The following TTC34 variants were observed in gnomAD, a reference collection of about 807,000 sequenced individuals.
TTC34 encodes the protein tetratricopeptide repeat domain 34, also known as tetratricopeptide repeat protein 34.
TTC34 carries 44 observed loss-of-function variants against 40.7 expected under a neutral mutation model. The observed-to-expected ratio is 1.08, with a 90% CI of 0.85 to 1.39. The LOEUF (loss-of-function observed/expected upper bound fraction) is 1.39. Ranked by LOEUF, TTC34 falls within the 40% of genes most tolerant of loss-of-function variation. The pLI is 0.00. For synonymous variants in TTC34, 422 were observed against 398.6 expected (o/e 1.06, Z -0.70); for missense variants, 884 against 838.0 (o/e 1.05, Z -0.68).
exon 9 of TTC34, chr1:2,641,797 G>A: frequency 6.5e-7 from 1 of 1,535,114 alleles, no homozygotes; most frequent in Non-Finnish European, 8.7e-7. Context: ...GCAGGTGACA[G>A]GCACTGCTGC....
intron 6 of TTC34, among the ~76,000 whole-genome samples, chr1:2,685,224 G>A (rs1570810213): frequency 3.5e-5 from 4 of 113,328 alleles, no homozygotes; most frequent in African/African-American, 1.4e-4. Flanking sequence ...TGACATCGTG[G>A]AGCAGCACCC....
chr1:2,645,547 A>G lies in TTC34; in HGVS notation c.2243T>C (p.Ile748Thr). ...GGGGCCGAGCTTCAGAGCAGAGACG[A>G]TGTCGTCCACGGCTTCCTGCAAGGA... is the stretch of plus-strand genomic sequence containing the variant. The change falls in exon 7 of 9, where the codon ATC becomes ACC. Residue 748 changes from isoleucine to threonine, a missense_variant. Ile to Thr is a moderately conservative substitution (Grantham distance 89). Coordinates refer to ENST00000401095, the Ensembl canonical transcript of TTC34. This position sits in a 1 kb window ranked among gnomAD's most constrained non-coding sequence, Gnocchi z 4.7. 1.1e-6 allele frequency: 1 copy of G among 872,648 alleles called. No individual in the cohort carries two copies. Among genetic ancestry groups the G allele is most frequent in the South Asian group, 1.9e-5 (1 of 53,060 alleles). 54.1% of individuals were successfully genotyped at this position (872,648 alleles called of 1,614,324 possible).
chr1:2,788,435 T>G (rs955883970), intron 3 of TTC34, among the ~76,000 whole-genome samples: 1 of 151,482 alleles, frequency 6.6e-6, no homozygotes, highest in Non-Finnish European at 1.5e-5. Context: ...CGTGTGTGTG[T>G]TGTGTGTGTG....
intron 6 of TTC34, among the ~76,000 whole-genome samples, chr1:2,655,494 C>G (rs61554217): frequency 8.0e-5 from 9 of 112,454 alleles, no homozygotes; most frequent in East Asian, 3.4e-4. Flanking sequence ...GCACCCACAC[C>G]CCCAGGTGAG....
At chr1:2,751,318 A>C (rs1178082232) in intron 6 of TTC34, among the ~76,000 whole-genome samples, 53 of 62,510 alleles carry the variant, frequency 8.5e-4, no homozygotes, top group South Asian at 1.6e-3. Flanking sequence ...CGTGGAGCAG[A>C]ACAAACACCC....
intron 6 of TTC34, among the ~76,000 whole-genome samples, chr1:2,760,293 C>T (rs1641655129): frequency 1.7e-5 from 1 of 60,082 alleles, no homozygotes. Flanking sequence ...TCCAGGCGAG[C>T]ATCTGACAGC....
intron 6 of TTC34, among the ~76,000 whole-genome samples, chr1:2,752,855 AC>A (rs1187524600): frequency 1.0e-5 from 1 of 96,296 alleles, no homozygotes; most frequent in Non-Finnish European, 2.2e-5. Context: ...GCACCCACAC[AC>A]CCAGGCGAGC....
intron 6 of TTC34, among the ~76,000 whole-genome samples, chr1:2,750,271 AAAGAGCC>A (rs1641271910): frequency 1.1e-5 from 1 of 89,404 alleles, no homozygotes; most frequent in African/African-American, 5.4e-5. Context: ...ACAGCCTGGA[AAAGAGCC>A]CAGACCCCCA....
At chr1:2,643,328 G>T (rs1241670959) in intron 8 of TTC34, among the ~76,000 whole-genome samples, 1 of 152,202 alleles carries the variant, frequency 6.6e-6, no homozygotes, top group African/African-American at 2.4e-5. Context: ...GCAGATTCTT[G>T]CCTGTGCCGG....
At chr1:2,694,878 G>A (rs1278211738) in intron 6 of TTC34, among the ~76,000 whole-genome samples, 4 of 121,652 alleles carry the variant, frequency 3.3e-5, no homozygotes, top group Non-Finnish European at 5.4e-5. Context: ...ACAACCACAG[G>A]TGAGCATCCG....
At chr1:2,687,589 C>T (rs1570818299) in intron 6 of TTC34, among the ~76,000 whole-genome samples, 1 of 148,082 alleles carries the variant, frequency 6.8e-6, no homozygotes, top group African/African-American at 2.6e-5. Flanking sequence ...ATCTGACAGC[C>T]TGGAACAGCA....
At chr1:2,759,984 C>A (rs1641642208) in intron 6 of TTC34, among the ~76,000 whole-genome samples, 1 of 139,998 alleles carries the variant, frequency 7.1e-6, no homozygotes, top group Non-Finnish European at 1.5e-5. Context: ...ATCTGATGGT[C>A]TGGAGAAGCA....
chr1:2,784,806 T>C (rs1380210791), intron 5 of TTC34, among the ~76,000 whole-genome samples: 1 of 152,276 alleles, frequency 6.6e-6, no homozygotes, highest in Non-Finnish European at 1.5e-5. Flanking sequence ...ATTCTTATTC[T>C]ATTTTCTTTA....
chr1:2,637,823 C>T (rs1201162443), exon 9 of TTC34: 1 of 152,278 alleles, frequency 6.6e-6, no homozygotes, highest in African/African-American at 2.4e-5. Context: ...GCTGCTACAA[C>T]TCGGATGCAC....
chr1:2,786,307 G>A (rs943046460), intron 4 of TTC34, among the ~76,000 whole-genome samples: 1 of 152,232 alleles, frequency 6.6e-6, no homozygotes, highest in African/African-American at 2.4e-5. Flanking sequence ...GTGTGTCCAT[G>A]AGCCTGGGAG....
At chr1:2,687,080 A>C (rs1424761722) in intron 6 of TTC34, among the ~76,000 whole-genome samples, 1 of 140,446 alleles carries the variant, frequency 7.1e-6, no homozygotes, top group African/African-American at 3.0e-5. Context: ...AGCAGGACCC[A>C]CACCCCCAGG....
intron 7 of TTC34, 52 bp from the exon 8 acceptor site, chr1:2,644,530 G>C: frequency 6.7e-7 from 1 of 1,485,512 alleles, no homozygotes; most frequent in East Asian, 2.5e-5. Flanking sequence ...GCAGAGGTGC[G>C]AGAGAGCTGA....
chr1:2,793,356 G>A (rs890680113), intron 2 of TTC34, among the ~76,000 whole-genome samples: 6 of 152,074 alleles, frequency 3.9e-5, no homozygotes, highest in Non-Finnish European at 8.8e-5. Context: ...TTATTGATAT[G>A]TAGGAGTTCT....
chr1:2,657,420 C>A (rs575744722), intron 6 of TTC34, among the ~76,000 whole-genome samples: 15 of 87,064 alleles, frequency 1.7e-4, no homozygotes, highest in East Asian at 7.8e-4. Context: ...AGTACCAGTA[C>A]CCCCAGGCGA....
Sources: gnomAD v4.1 joint callset for allele counts (sites outside exome capture counted in the v4.1 genomes callset) on GRCh38, gnomAD v4.1.1 for gene constraint, Gnocchi (gnomAD v3.1) non-coding constraint, MANE v1.5 for transcripts, NCBI Gene and HGNC (gene_info 2026-07-23, HGNC 2026-07-21) for gene names.